The following MGAM2 variants were observed in gnomAD, a reference collection of about 807,000 sequenced individuals.
MGAM2 encodes the protein probable maltase-glucoamylase 2.
Under a neutral mutation model 96.1 loss-of-function variants are expected in MGAM2, and 98 were observed. The ratio of observed to expected loss-of-function variants is 1.02; its 90% CI spans 0.87 to 1.21. The LOEUF is 1.21. MGAM2 is among the 50% of genes most tolerant of loss of function. The probability of loss-of-function intolerance (pLI) is 0.00; values close to 1 mark genes in which losing one functional copy is unlikely to be tolerated. For synonymous variants in MGAM2, 749 were observed against 414.8 expected (o/e 1.81, Z -9.79); for missense variants, 2,055 against 1,182.4 (o/e 1.74, Z -10.82).
intron 3 of MGAM2, among the ~76,000 whole-genome samples, chr7:142,127,558 C>A (rs1354568404): frequency 6.6e-6 from 1 of 152,048 alleles, no homozygotes; most frequent in Non-Finnish European, 1.5e-5. Context: ...ACCCAAATCT[C>A]ACCTTGAATT....
intron 14 of MGAM2, among the ~76,000 whole-genome samples, chr7:142,145,286 C>A (rs972075352): frequency 6.6e-6 from 1 of 152,178 alleles, no homozygotes; most frequent in Non-Finnish European, 1.5e-5. Context: ...CTTCAGGATA[C>A]AGACTACCTT....
chr7:142,164,837 CT>C lies in MGAM2; in HGVS notation c.2485-11del, dbSNP rs898442833. The stretch of plus-strand genomic sequence containing the variant: ...CTGAAGTACCTGGTTTCCAATCTGA[CT>C]TTTTTTTCCCCTCCCAGAACCATCT... On this transcript the variant is annotated intron_variant, in intron 23 of 47. Transcript: ENST00000477922. The C allele has an allele frequency of 1.6e-4, 106 of 672,024 alleles. No individual in the cohort carries two copies. Among genetic ancestry groups the C allele is most frequent in the East Asian group, 2.7e-4 (10 of 36,380 alleles). 41.6% of individuals were successfully genotyped at this position (672,024 alleles called of 1,614,324 possible). A position where few individuals can be genotyped will look rare whatever the true frequency, so the allele number is the denominator to read the frequency against.
chr7:142,179,398 A>G (rs895967048), intron 32 of MGAM2, among the ~76,000 whole-genome samples: 1 of 152,132 alleles, frequency 6.6e-6, no homozygotes, highest in Non-Finnish European at 1.5e-5. Flanking sequence ...ACTATGTTAA[A>G]TAGGAGTGAT....
intron 15 of MGAM2, among the ~76,000 whole-genome samples, chr7:142,149,604 G>C (rs1459403046): frequency 6.6e-6 from 1 of 151,780 alleles, no homozygotes; most frequent in Non-Finnish European, 1.5e-5. Context: ...GCAGTGGTGC[G>C]ATCTCGGCTC....
At chr7:142,145,078 G>GTGCTCAT in intron 14 of MGAM2, 133 bp downstream of exon 14, 1 of 591,766 alleles carries the variant, frequency 1.7e-6, no homozygotes, top group Non-Finnish European at 3.0e-6. Context: ...GCACTCCTCT[G>GTGCTCAT]CCGAAGTCTC....
At chr7:142,205,431 G>C (rs1042185006) in intron 45 of MGAM2, among the ~76,000 whole-genome samples, 4 of 152,038 alleles carry the variant, frequency 2.6e-5, no homozygotes, top group Non-Finnish European at 5.9e-5. Flanking sequence ...TCAATCAGCA[G>C]TGTATGAGGG....
At chr7:142,129,896 G>A (rs1254618480) in intron 3 of MGAM2, among the ~76,000 whole-genome samples, 1 of 128,350 alleles carries the variant, frequency 7.8e-6, no homozygotes, top group East Asian at 2.4e-4. Flanking sequence ...TTTCTCACCT[G>A]CCACATTGCA....
intron 37 of MGAM2, among the ~76,000 whole-genome samples, chr7:142,193,535 T>C (rs1040096265): frequency 6.6e-6 from 1 of 152,206 alleles, no homozygotes; most frequent in African/African-American, 2.4e-5. Flanking sequence ...GACTCTTCCC[T>C]GCTGACCTTC....
In MGAM2 at chr7:142,219,924, G is replaced by A. The variant is rs1585231975; in HGVS notation, c.5413G>A (p.Val1805Ile). The change falls in exon 48 of 48, where the codon GTT becomes ATT. Residue 1805 changes from valine (V) to isoleucine (I), a missense_variant. Transcript: ENST00000477922. ...KTINLEKLTE[V>I]TWIDGGPVLP... is the part of the protein sequence containing the mutation. ...TATCAACCTGGAAAAGTTAACTGAG[G>A]TTACTTGGATTGATGGTGGTCCTGT... The A allele has an allele frequency of 1.4e-6, 1 of 702,652 alleles. No individual in the cohort carries two copies. 43.5% of individuals were successfully genotyped at this position (702,652 alleles called of 1,614,324 possible). A position where few individuals can be genotyped will look rare whatever the true frequency, so the allele number is the denominator to read the frequency against.
chr7:142,115,315 C>T (rs1225035866), intron 1 of MGAM2, among the ~76,000 whole-genome samples: 2 of 152,224 alleles, frequency 1.3e-5, no homozygotes, highest in Admixed American at 6.5e-5. Flanking sequence ...TTATGAGCCT[C>T]GGTGGCATCT....
chr7:142,201,071 C>CT (rs72092512), intron 45 of MGAM2, among the ~76,000 whole-genome samples: 1,704 of 84,174 alleles, frequency 0.02, 348 homozygotes, highest in African/African-American at 0.061. Flanking sequence ...CATCCTTTTT[C>CT]TTTTTTTTTT....
chr7:142,210,834 T>A (rs1033835062), intron 46 of MGAM2, among the ~76,000 whole-genome samples: 1 of 152,184 alleles, frequency 6.6e-6, no homozygotes, highest in African/African-American at 2.4e-5. Flanking sequence ...GTGCTGGAGC[T>A]CTGCTAAGGG....
intron 45 of MGAM2, among the ~76,000 whole-genome samples, chr7:142,200,831 T>C (rs1797201006): frequency 6.6e-6 from 1 of 152,114 alleles, no homozygotes. Flanking sequence ...CTTTTAATAT[T>C]TTTGCTGTAC....
Position 142,183,312 on chromosome 7 carries a change from G to A in MGAM2, c.3863G>A (p.Arg1288Lys). 1.4e-6 allele frequency: 1 copy of A among 703,448 alleles called. No individual in the cohort carries two copies. Among genetic ancestry groups the A allele is most frequent in the Non-Finnish European group, 2.6e-6 (1 of 385,004 alleles). 43.6% of individuals were successfully genotyped at this position (703,448 alleles called of 1,614,324 possible). A position where few individuals can be genotyped will look rare whatever the true frequency, so the allele number is the denominator to read the frequency against. ...GNETQYLPFIRGQENNVFIKW... is the reference protein window; with the variant it reads ...GNETQYLPFIKGQENNVFIKW... ...GAGACACAGTATCTCCCATTCATTA[G>A]AGGACAGGAAAATAACGTGTTCATC... Residue 1288 changes from arginine to lysine, a missense_variant, in exon 33 of 48, where the codon AGA (arginine) becomes AAA (lysine). Arg to Lys is a conservative substitution (Grantham distance 26). Coordinates refer to ENST00000477922, the MANE Select transcript of MGAM2 (RefSeq NM_001293626.2).
chr7:142,173,482 G>A, intron 31 of MGAM2, 128 bp downstream of exon 31: 1 of 587,706 alleles, frequency 1.7e-6, no homozygotes, highest in Non-Finnish European at 3.1e-6. Context: ...TTTTTTCTTT[G>A]TATATACTAT....
chr7:142,208,301 C>G (rs1014485446), intron 45 of MGAM2: 2 of 574,314 alleles, frequency 3.5e-6, no homozygotes, highest in Non-Finnish European at 6.6e-6. Flanking sequence ...AGTCTCCACA[C>G]TTCAGGTAAT....
chr7:142,134,182 C>T lies in MGAM2; in HGVS notation c.747+30C>T, dbSNP rs867942138. 4.2e-6 allele frequency: 3 copies of T among 713,144 alleles called. No individual in the cohort carries two copies. In the Middle Eastern group the frequency reaches 6.9e-4, roughly 164 times the overall value. 44.2% of individuals were successfully genotyped at this position (713,144 alleles called of 1,614,324 possible). ...GGTGGCTTTCCTCCTGAGTATCGCC[C>T]ACAGTAAGGGATACCCTCCTTCCTT... On this transcript the variant is annotated intron_variant, in intron 7 of 47. Transcript: ENST00000477922.
intron 3 of MGAM2, among the ~76,000 whole-genome samples, chr7:142,128,280 G>A (rs1794783993): frequency 6.6e-6 from 1 of 152,168 alleles, no homozygotes; most frequent in Non-Finnish European, 1.5e-5. Context: ...GATATGGTTT[G>A]GAATTGGAAC....
In MGAM2 at chr7:142,164,923, T is replaced by A; in HGVS notation, c.2552T>A (p.Ile851Asn). ...MDTDNLMFTD[I>N]TILGMDKQPA... ...ACTGACAACCTCATGTTCACAGATA[T>A]CACAATCTTGGGAATGGACAAACAG... The change falls in exon 24 of 48, where the codon ATC becomes AAC. Residue 851 changes from isoleucine to asparagine, a missense_variant. Physicochemically the swap from Ile to Asn is moderately radical, Grantham distance 149 (BLOSUM62 -3). Transcript: ENST00000477922. The A allele has an allele frequency of 1.4e-6, 1 of 702,860 alleles. No individual in the cohort carries two copies. The highest frequency in any genetic ancestry group is 1.7e-5 in the African/African-American group (1 of 57,370). 43.5% of individuals were successfully genotyped at this position (702,860 alleles called of 1,614,324 possible).
Sources: gnomAD v4.1 joint callset for allele counts (sites outside exome capture counted in the v4.1 genomes callset) on GRCh38, gnomAD v4.1.1 for gene constraint, MANE v1.5 for transcripts, NCBI Gene and HGNC (gene_info 2026-07-23, HGNC 2026-07-21) for gene names.